Variants in PDE1C observed in about 807,000 individuals in gnomAD.
The protein encoded by PDE1C is dual specificity calcium/calmodulin-dependent 3',5'-cyclic nucleotide phosphodiesterase 1C.
In PDE1C, 62 loss-of-function variants were observed where a neutral mutation model predicts 93.1. That is an observed-to-expected ratio of 0.67 (90% CI 0.54 to 0.82). The LOEUF (loss-of-function observed/expected upper bound fraction) is 0.82, where lower values mean the gene tolerates loss of function less well. PDE1C is among the 40% of genes least tolerant of loss of function. The probability of loss-of-function intolerance (pLI) is 0.00; values close to 1 mark genes in which losing one functional copy is unlikely to be tolerated. For synonymous variants in PDE1C, 325 were observed against 310.1 expected (o/e 1.05, Z -0.50); for missense variants, 742 against 884.6 (o/e 0.84, Z 2.04).
intron 1 of PDE1C, among the ~76,000 whole-genome samples, chr7:32,288,414 G>C (rs1812136671): frequency 6.6e-6 from 1 of 152,144 alleles, no homozygotes. Context: ...ACTAAGACCA[G>C]GCTTACAGTC....
intron 3 of PDE1C, among the ~76,000 whole-genome samples, chr7:32,110,808 C>T (rs1243527585): frequency 6.6e-6 from 1 of 152,156 alleles, no homozygotes. Flanking sequence ...ACATTGGTGA[C>T]CAGTAAAATA....
At chr7:32,312,889 C>A (rs555772080) in intron 1 of PDE1C, among the ~76,000 whole-genome samples, 16 of 152,162 alleles carry the variant, frequency 1.1e-4, no homozygotes, top group African/African-American at 2.2e-4. Context: ...GCAACAAAAG[C>A]CAAAATTGAC....
At chr7:31,642,752 G>A in the PDE1C span, 3 of 1,613,904 alleles carry the variant, frequency 1.9e-6, no homozygotes, top group Admixed American at 1.7e-5. Context: ...CAGAGCCACA[G>A]CTTAGTATCA....
intron 11 of PDE1C, among the ~76,000 whole-genome samples, chr7:31,828,844 C>G (rs1790025876): frequency 6.6e-6 from 1 of 152,188 alleles, no homozygotes; most frequent in Non-Finnish European, 1.5e-5. Flanking sequence ...GCCACACACA[C>G]TTGGAGCAAG....
At chr7:32,206,847 A>T (rs1805595838) in intron 2 of PDE1C, among the ~76,000 whole-genome samples, 1 of 152,316 alleles carries the variant, frequency 6.6e-6, no homozygotes, top group East Asian at 1.9e-4. Flanking sequence ...GCCTGCATTC[A>T]CACAGCGCAC....
chr7:32,378,073 T>C lies in PDE1C; in HGVS notation c.310+49749A>G, dbSNP rs764523347. On this transcript the variant is annotated intron_variant, in intron 1 of 1. Coordinates refer to the PDE1C transcript ENST00000672256. ...TGGTCCAGACGAGGACTGAAAGGAA[T>C]TGGATTTCTGTTACTTCTGTGGCAT... Among the ~76,000 whole-genome samples the C allele has an allele frequency of 2.0e-4, 30 of 152,306 alleles. 1 individual carries two copies. The highest frequency in any genetic ancestry group is 3.4e-3 in the Middle Eastern group (1 of 294).
At chr7:31,793,537 A>G (rs978824427) in intron 16 of PDE1C, among the ~76,000 whole-genome samples, 3 of 151,988 alleles carry the variant, frequency 2.0e-5, no homozygotes, top group Admixed American at 6.6e-5. Flanking sequence ...TTCTGCAAAA[A>G]CAGCAAAGTG....
At chr7:31,748,237 T>TC (rs1794047208), downstream of PDE1C, among the ~76,000 whole-genome samples, 1 of 144,006 alleles carries the variant, frequency 6.9e-6, no homozygotes, top group African/African-American at 2.5e-5. Flanking sequence ...CATATATTTT[T>TC]CTCTCTTGTT....
chr7:32,035,755 G>A (rs1052158417), intron 2 of PDE1C, among the ~76,000 whole-genome samples: 6 of 152,122 alleles, frequency 3.9e-5, no homozygotes, highest in African/African-American at 4.8e-5. Flanking sequence ...CCAGGAGCTC[G>A]AAATCCTAGC....
At chr7:31,689,913 G>A in the PDE1C span, among the ~76,000 whole-genome samples, 22 of 152,156 alleles carry the variant, frequency 1.4e-4, no homozygotes, top group African/African-American at 5.3e-4. Context: ...AGTCTTGCTG[G>A]TTCACCACCA....
chr7:32,032,129 A>C (rs1790411819), intron 2 of PDE1C, among the ~76,000 whole-genome samples: 2 of 152,174 alleles, frequency 1.3e-5, no homozygotes, highest in Admixed American at 1.3e-4. Flanking sequence ...TAAGTTGATC[A>C]TGGTGGCATA....
At chr7:32,112,366 A>G (rs1798687942) in intron 3 of PDE1C, among the ~76,000 whole-genome samples, 1 of 151,706 alleles carries the variant, frequency 6.6e-6, no homozygotes, top group African/African-American at 2.4e-5. Flanking sequence ...ATCCAACTTC[A>G]TTTTTGACAA....
At chr7:31,674,312 T>C in the PDE1C span, among the ~76,000 whole-genome samples, 240 of 152,306 alleles carry the variant, frequency 1.6e-3, no homozygotes, top group South Asian at 2.5e-3. Flanking sequence ...GAGATAGTTA[T>C]GCAATAAAGA....
chr7:32,024,433 G>A (rs902334545), intron 2 of PDE1C, among the ~76,000 whole-genome samples: 6 of 151,052 alleles, frequency 4.0e-5, no homozygotes, highest in Admixed American at 4.0e-4. Flanking sequence ...GTATAAGAGA[G>A]CTCATTTTAG....
the PDE1C span, among the ~76,000 whole-genome samples, chr7:31,718,640 A>G: frequency 1.3e-5 from 2 of 152,186 alleles, no homozygotes; most frequent in Non-Finnish European, 2.9e-5. Context: ...TGGGGCCCCC[A>G]TTCATATGTC....
At chr7:31,874,504 C>A (rs1796310816) in intron 5 of PDE1C, among the ~76,000 whole-genome samples, 1 of 152,122 alleles carries the variant, frequency 6.6e-6, no homozygotes, top group African/African-American at 2.4e-5. Context: ...TGACTCTCAC[C>A]CCAGCCCTCA....
At chr7:31,766,113 G>C (rs1043571248) in intron 17 of PDE1C, among the ~76,000 whole-genome samples, 1 of 152,132 alleles carries the variant, frequency 6.6e-6, no homozygotes, top group African/African-American at 2.4e-5. Flanking sequence ...GGCCCGGCGC[G>C]GTGGCTCATG....
chr7:31,905,072 T>C (rs1196444399), intron 2 of PDE1C, among the ~76,000 whole-genome samples: 1 of 152,162 alleles, frequency 6.6e-6, no homozygotes, highest in Non-Finnish European at 1.5e-5. Context: ...CCTAATAGTA[T>C]GAATTCACTA....
chr7:32,106,762 T>C (rs1798333858), intron 3 of PDE1C, among the ~76,000 whole-genome samples: 1 of 152,096 alleles, frequency 6.6e-6, no homozygotes, highest in African/African-American at 2.4e-5. Flanking sequence ...ATCTGATACA[T>C]CATATATGGC....
Sources: gnomAD v4.1 joint callset for allele counts (sites outside exome capture counted in the v4.1 genomes callset) on GRCh38, gnomAD v4.1.1 for gene constraint, MANE v1.5 for transcripts, NCBI Gene and HGNC (gene_info 2026-07-23, HGNC 2026-07-21) for gene names.